Variants in DAP observed in about 807,000 individuals in gnomAD.
DAP encodes death-associated protein 1.
A neutral mutation model predicts 13.8 loss-of-function variants in DAP; 8 were observed. That is an observed-to-expected ratio of 0.58 (90% CI 0.34 to 1.05). The LOEUF is 1.05. Ranked by LOEUF, DAP falls within the 50% of genes least tolerant of loss-of-function variation. The pLI, the probability that DAP is intolerant of heterozygous loss-of-function variation, is 0.03. For missense variants in DAP, 106 were observed against 133.2 expected (o/e 0.80, Z 1.01); for synonymous variants, 47 against 47.5 (o/e 0.99, Z 0.04).
chr5:10,754,798 G>A (rs1398743747), intron 1 of DAP, among the ~76,000 whole-genome samples: 1 of 152,190 alleles, frequency 6.6e-6, no homozygotes, highest in Non-Finnish European at 1.5e-5. Context: ...GGACTAGTCA[G>A]GTGTTTGCCA....
chr5:10,733,400 G>A (rs1031892873), intron 2 of DAP, among the ~76,000 whole-genome samples: 5 of 152,130 alleles, frequency 3.3e-5, no homozygotes, highest in Admixed American at 3.3e-4. Context: ...AAACTTTGTG[G>A]ATTGCTACCC....
chr5:10,741,806 T>C (rs1462754343), intron 2 of DAP, among the ~76,000 whole-genome samples: 1 of 152,276 alleles, frequency 6.6e-6, no homozygotes, highest in Non-Finnish European at 1.5e-5. Flanking sequence ...CTTTTTGTAG[T>C]ATTTTTTGTG....
At chr5:10,689,106 C>T (rs191965678) in intron 2 of DAP, among the ~76,000 whole-genome samples, 114 of 152,166 alleles carry the variant, frequency 7.5e-4, no homozygotes, top group African/African-American at 2.6e-3. Flanking sequence ...TTCTATGCCT[C>T]GAGTATGTAC....
intron 1 of DAP, among the ~76,000 whole-genome samples, chr5:10,749,123 A>G (rs1579821448): frequency 6.6e-6 from 1 of 152,358 alleles, no homozygotes; most frequent in East Asian, 1.9e-4. Context: ...AGGTTCATCC[A>G]TGTTACAGCA....
intron 2 of DAP, among the ~76,000 whole-genome samples, chr5:10,689,756 G>GTGA (rs1003905670): frequency 2.0e-5 from 3 of 152,206 alleles, no homozygotes; most frequent in African/African-American, 7.2e-5. Flanking sequence ...ACTTGGCTGA[G>GTGA]TGATGGCAAG....
intron 1 of DAP, among the ~76,000 whole-genome samples, chr5:10,759,744 CTTTTTTTTTT>C (rs1169454640): frequency 5.7e-5 from 5 of 88,228 alleles, no homozygotes; most frequent in South Asian, 4.8e-4. Context: ...TAATGGGAAT[CTTTTTTTTTT>C]TTTTTTTTTT....
chr5:10,727,560 G>C (rs768977365), intron 2 of DAP, among the ~76,000 whole-genome samples: 4 of 152,196 alleles, frequency 2.6e-5, no homozygotes, highest in Non-Finnish European at 4.4e-5. Context: ...AGATGGGGGG[G>C]ACTGGGGAGA....
In DAP at chr5:10,691,701, G is replaced by A. The variant is rs940884508; in HGVS notation, c.153-8130C>T. ...CAACCCTGCCCGCCCCATATCCTCA[G>A]GCCTTTCCAGACTTTAAAAACTACA... On this transcript the variant is annotated intron_variant, in intron 2 of 3. Transcript: ENST00000230895. Among the ~76,000 whole-genome samples the A allele has an allele frequency of 5.9e-5, 9 of 152,272 alleles. No homozygotes were observed. The East Asian group carries it at 1.7e-3, about 29-fold the overall frequency.
chr5:10,756,512 TA>T (rs1455727769), intron 1 of DAP, among the ~76,000 whole-genome samples: 8 of 152,214 alleles, frequency 5.3e-5, no homozygotes, highest in African/African-American at 1.7e-4. Context: ...CTGAAGTTAC[TA>T]AAAAAAGTAA....
At chr5:10,751,657 G>A (rs771856606) in intron 1 of DAP, among the ~76,000 whole-genome samples, 1 of 152,078 alleles carries the variant, frequency 6.6e-6, no homozygotes, top group Non-Finnish European at 1.5e-5. Context: ...TTGGAGAGAG[G>A]GTCTTAAAAG....
chr5:10,689,836 A>G (rs917896771), intron 2 of DAP, among the ~76,000 whole-genome samples: 2 of 152,152 alleles, frequency 1.3e-5, no homozygotes, highest in African/African-American at 4.8e-5. Flanking sequence ...GCCCTTGTGC[A>G]CACCCTGAGG....
chr5:10,725,763 A>G (rs1479506090), intron 2 of DAP, among the ~76,000 whole-genome samples: 1 of 152,234 alleles, frequency 6.6e-6, no homozygotes, highest in Non-Finnish European at 1.5e-5. Context: ...AACGGTGGGC[A>G]GGAGACTGGA....
chr5:10,755,339 C>T (rs1740155492), intron 1 of DAP, among the ~76,000 whole-genome samples: 1 of 152,166 alleles, frequency 6.6e-6, no homozygotes, highest in Admixed American at 6.5e-5. Flanking sequence ...TTGATTTTAG[C>T]CCAGTGAGAC....
chr5:10,682,223 G>A (rs920121545), intron 3 of DAP, among the ~76,000 whole-genome samples: 2 of 151,618 alleles, frequency 1.3e-5, no homozygotes, highest in Non-Finnish European at 2.9e-5. Flanking sequence ...CATGGGGTTT[G>A]TATGTGAGTA....
chr5:10,743,836 C>G (rs998029756), intron 2 of DAP, among the ~76,000 whole-genome samples: 2 of 152,180 alleles, frequency 1.3e-5, no homozygotes, highest in African/African-American at 4.8e-5. Flanking sequence ...ACATGAAGAA[C>G]CACCAGTAAC....
chr5:10,760,427 C>T (rs1015718711), intron 1 of DAP, among the ~76,000 whole-genome samples: 5 of 152,114 alleles, frequency 3.3e-5, no homozygotes, highest in African/African-American at 2.4e-5. Context: ...GCTTTAACTT[C>T]CTTGGCTCAG....
At chr5:10,702,213 T>C (rs1194856670) in intron 2 of DAP, among the ~76,000 whole-genome samples, 1 of 152,208 alleles carries the variant, frequency 6.6e-6, no homozygotes, top group Non-Finnish European at 1.5e-5. Flanking sequence ...AACAAATGCT[T>C]TGAGCACCAA....
At chr5:10,760,355 A>T (rs900086346) in intron 1 of DAP, among the ~76,000 whole-genome samples, 7 of 152,142 alleles carry the variant, frequency 4.6e-5, no homozygotes, top group Admixed American at 1.3e-4. Context: ...AGAGAGGAGG[A>T]GGTGGCAGAA....
intron 2 of DAP, among the ~76,000 whole-genome samples, chr5:10,715,046 C>G (rs559717319): frequency 1.3e-5 from 2 of 152,190 alleles, no homozygotes; most frequent in South Asian, 2.1e-4. Flanking sequence ...CTAACACATA[C>G]GAATATACAG....
Sources: allele counts gnomAD v4.1 joint callset (sites outside exome capture counted in the v4.1 genomes callset), GRCh38; gene constraint gnomAD v4.1.1; transcripts MANE v1.5; gene names NCBI Gene and HGNC (gene_info 2026-07-23, HGNC 2026-07-21).